The following OSBPL10 variants were observed in gnomAD, a reference collection of about 807,000 sequenced individuals.
The protein encoded by OSBPL10 is oxysterol binding protein like 10.
Under a neutral mutation model 81.7 loss-of-function variants are expected in OSBPL10, and 49 were observed. The observed-to-expected ratio is 0.60, with a 90% CI of 0.48 to 0.76. The LOEUF (loss-of-function observed/expected upper bound fraction) is 0.76. OSBPL10 is among the 30% of genes least tolerant of loss of function. The probability of loss-of-function intolerance (pLI) is 0.00; values close to 1 mark genes in which losing one functional copy is unlikely to be tolerated. For missense variants in OSBPL10, 923 were observed against 987.8 expected, an observed-to-expected ratio of 0.93 and a Z score of 0.88; for synonymous variants, 419 against 383.6, an observed-to-expected ratio of 1.09 and a Z score of -1.08.
In OSBPL10 at chr3:31,875,918, T is replaced by A. The variant is rs1465170813; in HGVS notation, c.537+515A>T. Reference sequence around the variant, plus strand: ...TCCATGAAAATGCCCACCTCCTACCTCCTGCACACCTAACACAAGATCTCA... The same window carrying A: ...TCCATGAAAATGCCCACCTCCTACCACCTGCACACCTAACACAAGATCTCA... On this transcript the variant is annotated intron_variant, in intron 3 of 11. Coordinates refer to ENST00000396556, the MANE Select transcript of OSBPL10 (RefSeq NM_017784.5). Among the ~76,000 whole-genome samples, 26 of 152,118 alleles carry A rather than the reference T, an allele frequency of 1.7e-4. 1 individual carries two copies. The highest frequency in any genetic ancestry group is 1.7e-3 in the Admixed American group (26 of 15,258).
intron 2 of OSBPL10, among the ~76,000 whole-genome samples, chr3:31,993,422 G>A (rs187869107): frequency 2.2e-4 from 33 of 152,004 alleles, no homozygotes; most frequent in Admixed American, 2.0e-3. Flanking sequence ...TGGTCAGGCT[G>A]GTTTCAAACT....
chr3:31,960,105 A>G (rs1698117110), intron 1 of OSBPL10: 1 of 152,250 alleles, frequency 6.6e-6, no homozygotes. Flanking sequence ...AGGGAAGACT[A>G]TCTTAGCACT....
intron 2 of OSBPL10, among the ~76,000 whole-genome samples, chr3:31,995,433 C>T (rs1699081516): frequency 6.6e-6 from 1 of 152,194 alleles, no homozygotes; most frequent in Admixed American, 6.5e-5. Flanking sequence ...TTTATAGGCT[C>T]TCTGCAAGAA....
chr3:31,753,953 T>C (rs917113926), intron 4 of OSBPL10, among the ~76,000 whole-genome samples: 1 of 152,186 alleles, frequency 6.6e-6, no homozygotes. Flanking sequence ...TAAGTTGATA[T>C]GTGGAGAGCT....
In OSBPL10 at chr3:32,028,928, ACACACACACACAC is replaced by A. The variant is rs1699441435; in HGVS notation, n.298+17550_298+17562del. Among the ~76,000 whole-genome samples the A allele has an allele frequency of 4.1e-3, 405 of 97,712 alleles. 4 individuals carry two copies. The highest frequency in any genetic ancestry group is 0.01 in the African/African-American group (205 of 19,568). The allele number at this position is 97,712 out of a possible 152,430, so 64.1% of individuals were successfully genotyped here. A position where few individuals can be genotyped will look rare whatever the true frequency, so the allele number is the denominator to read the frequency against. On this transcript the variant is annotated intron_variant and non_coding_transcript_variant, in intron 2 of 3. Coordinates refer to the OSBPL10 transcript ENST00000479173. ...TTGTTACAGTAGGTAGCTAGTCAGG[ACACACACACACAC>A]ACACACACACACACACACACACACA...
At chr3:32,026,057 T>TAGATAGATAGATAGATAGATGATA (rs58717718) in intron 2 of OSBPL10, among the ~76,000 whole-genome samples, 1 of 111,232 alleles carries the variant, frequency 9.0e-6, no homozygotes, top group African/African-American at 3.4e-5. Flanking sequence ...GATAGATAGA[T>TAGATAGATAGATAGATAGATGATA]GATAGATAGA....
chr3:31,785,169 A>G (rs1414338701), intron 4 of OSBPL10, among the ~76,000 whole-genome samples: 2 of 152,178 alleles, frequency 1.3e-5, no homozygotes, highest in Non-Finnish European at 2.9e-5. Flanking sequence ...ACAGGCGTGA[A>G]CCACCGCAGT....
intron 4 of OSBPL10, among the ~76,000 whole-genome samples, chr3:31,777,319 A>G (rs1186332440): frequency 6.6e-6 from 1 of 150,590 alleles, no homozygotes; most frequent in Admixed American, 6.6e-5. Flanking sequence ...AGGCCCAGTA[A>G]TTTTTTTTTT....
At chr3:31,731,719 C>T (rs556936944) in intron 6 of OSBPL10, among the ~76,000 whole-genome samples, 1 of 152,194 alleles carries the variant, frequency 6.6e-6, no homozygotes, top group East Asian at 1.9e-4. Context: ...AAACTCCTGA[C>T]CTCGTGATCC....
chr3:31,902,299 G>T (rs376748410), intron 1 of OSBPL10, among the ~76,000 whole-genome samples: 2 of 130,598 alleles, frequency 1.5e-5, no homozygotes, highest in East Asian at 4.5e-4. Flanking sequence ...GTCCCACTCT[G>T]TCGCCCAGGC....
At chr3:32,073,535 C>T (rs1699850738) in intron 1 of OSBPL10, among the ~76,000 whole-genome samples, 1 of 152,140 alleles carries the variant, frequency 6.6e-6, no homozygotes, top group African/African-American at 2.4e-5. Flanking sequence ...CCCCTACTTC[C>T]CTAAACTCAC....
In OSBPL10 at chr3:31,683,922, T is replaced by C. The variant is rs1700724908; in HGVS notation, c.1438A>G (p.Asn480Asp). Residue 480 changes from asparagine (N) to aspartate (D), a missense_variant, in exon 8 of 12, where the codon AAC (asparagine) becomes GAC (aspartate). By Grantham distance (23) the Asn-to-Asp change is conservative. Transcript: ENST00000396556. Reference sequence around the variant, plus strand: ...TGAAATGTCTCGCCTATGATGGGGTTGTAGGGCTTCTTGGCTAAAGCGCCC... The same window carrying C: ...TGAAATGTCTCGCCTATGATGGGGTCGTAGGGCTTCTTGGCTAAAGCGCCC... Reference protein sequence around the residue: ...RKGALAKKPYNPIIGETFHCS... With the variant: ...RKGALAKKPYDPIIGETFHCS... 6.2e-7 allele frequency: 1 copy of C among 1,614,236 alleles called. No individual in the cohort carries two copies. Among genetic ancestry groups the C allele is most frequent in the Non-Finnish European group, 8.5e-7 (1 of 1,180,046 alleles).
chr3:31,936,522 T>C (rs889414323), intron 1 of OSBPL10, among the ~76,000 whole-genome samples: 7 of 152,244 alleles, frequency 4.6e-5, no homozygotes, highest in African/African-American at 1.7e-4. Flanking sequence ...CATTAAAATA[T>C]TCACTTCTTT....
intron 7 of OSBPL10, among the ~76,000 whole-genome samples, chr3:31,699,975 G>A (rs1355311774): frequency 6.6e-6 from 1 of 152,204 alleles, no homozygotes; most frequent in Non-Finnish European, 1.5e-5. Context: ...CTGCCAAGAA[G>A]AGAAAAGGGG....
At chr3:31,702,793 T>C (rs770007851) in intron 6 of OSBPL10, among the ~76,000 whole-genome samples, 2 of 152,200 alleles carry the variant, frequency 1.3e-5, no homozygotes, top group Non-Finnish European at 2.9e-5. Context: ...AAACTAACTA[T>C]AGTATATGGG....
intron 4 of OSBPL10, among the ~76,000 whole-genome samples, chr3:31,809,936 A>G (rs1050571538): frequency 7.4e-6 from 1 of 135,804 alleles, no homozygotes; most frequent in Non-Finnish European, 1.5e-5. Context: ...CAATGGAGTG[A>G]TCTCGGTTCA....
Position 31,702,399 on chromosome 3 carries a change from T to A in OSBPL10, c.1205A>T (p.His402Leu). 1 of 1,614,192 alleles carries A rather than the reference T, an allele frequency of 6.2e-7. No homozygotes were observed. Among genetic ancestry groups the A allele is most frequent in the South Asian group, 1.1e-5 (1 of 91,066 alleles). The change falls in exon 7 of 12, where the codon CAT (histidine) becomes CTT (leucine). Residue 402 changes from histidine to leucine, a missense_variant. Transcript: ENST00000396556. ...TCCAAGTTTGAGTTGTGAAATGAGA[T>A]GAAGAATTATACTACGCTGATCCTC... ...VMEDQRSIIL[H>L]LISQLKLGMD...
At chr3:31,981,301 T>C, upstream of OSBPL10, 1 of 1,277,180 alleles carries the variant, frequency 7.8e-7, no homozygotes, top group South Asian at 2.6e-5. This position sits in a 1 kb window ranked among gnomAD's most constrained non-coding sequence, Gnocchi z 4.5. Flanking sequence ...CCCCGGGAAA[T>C]GCCTGACTCA....
At chr3:31,873,890 A>G (rs888410463) in intron 3 of OSBPL10, among the ~76,000 whole-genome samples, 1 of 152,218 alleles carries the variant, frequency 6.6e-6, no homozygotes, top group Non-Finnish European at 1.5e-5. Flanking sequence ...AGGTCTGTTC[A>G]CAGTGTTAAA....
Sources: allele counts gnomAD v4.1 joint callset (sites outside exome capture counted in the v4.1 genomes callset), GRCh38; gene constraint gnomAD v4.1.1; non-coding constraint Gnocchi (gnomAD v3.1); transcripts MANE v1.5; gene names NCBI Gene and HGNC (gene_info 2026-07-23, HGNC 2026-07-21).